ZNF3: variants seen among roughly 807,000 people sequenced by gnomAD.
The protein encoded by ZNF3 is C2-H2 type zinc finger protein.
ZNF3 carries 16 observed loss-of-function variants against 36.9 expected under a neutral mutation model. The observed-to-expected ratio is 0.43, with a 90% confidence interval of 0.29 to 0.66. The LOEUF (loss-of-function observed/expected upper bound fraction) is 0.66. ZNF3 is among the 30% of genes least tolerant of loss of function. ZNF3 has a pLI of 0.13. For synonymous variants in ZNF3, 201 were observed against 201.9 expected (o/e 1.00, Z 0.04); for missense variants, 462 against 543.1 (o/e 0.85, Z 1.48).
rs1381472282 is a variant in ZNF3, at chr7:100,070,702, G to T, written c.*441C>A. 2.0e-6 allele frequency: 2 copies of T among 995,908 alleles called. No homozygotes were observed. Among genetic ancestry groups the T allele is most frequent in the Non-Finnish European group, 2.4e-6 (2 of 835,912 alleles). 61.7% of individuals were successfully genotyped at this position (995,908 alleles called of 1,614,324 possible). On this transcript the variant is annotated 3_prime_UTR_variant, in exon 6 of 6. Coordinates refer to ENST00000299667, the MANE Select transcript of ZNF3 (RefSeq NM_032924.5). The stretch of plus-strand genomic sequence containing the variant: ...CTTACCGAAACTTAAAGCTGGACTA[G>T]GAACAGTAGCTTTGAAATAGTCTCC...
At position 100,070,998 on chromosome 7, in the gene ZNF3, A is replaced by G; in HGVS notation, c.*145T>C. ...TAAGGCTGGTGTGATTTCTGGGAAA[A>G]TTCAACGATTTGCCCCATCTGCCCC... is the stretch of plus-strand genomic sequence containing the variant. On this transcript the variant is annotated 3_prime_UTR_variant, in exon 6 of 6. Transcript: ENST00000299667. The G allele has an allele frequency of 6.9e-7, 1 of 1,457,322 alleles. No homozygotes were observed. The highest frequency in any genetic ancestry group is 9.0e-7 in the Non-Finnish European group (1 of 1,109,720). The allele number at this position is 1,457,322 out of a possible 1,614,324, so 90.3% of individuals were successfully genotyped here. A position where few individuals can be genotyped will look rare whatever the true frequency, so the allele number is the denominator to read the frequency against.
chr7:100,082,302 G>C (rs1019436799), upstream of ZNF3: 2 of 152,450 alleles, frequency 1.3e-5, no homozygotes, highest in Non-Finnish European at 1.5e-5. Flanking sequence ...GAAGCTTACC[G>C]GCCGGGCGCG....
In ZNF3 at chr7:100,071,197, C is replaced by T; in HGVS notation, c.1287G>A (p.Met429Ile). The change falls in exon 6 of 6, where the codon ATG becomes ATA. Residue 429 changes from methionine (M) to isoleucine (I), a missense_variant. Transcript: ENST00000299667. ...TCGTAACTCTGAGGGAGCTTTTGCT[C>T]ATGCCGATCCCATTCAAAGGCTTCT... is the stretch of plus-strand genomic sequence containing the variant. ...TGEKPLNGIG[M>I]SKSSLRVTTE... is the part of the protein sequence containing the mutation. 2 of 1,612,012 alleles carry T rather than the reference C, an allele frequency of 1.2e-6. No individual in the cohort carries two copies. The highest frequency in any genetic ancestry group is 1.1e-5 in the South Asian group (1 of 90,914).
At chr7:100,074,384 C>T (rs537093058) in intron 5 of ZNF3, among the ~76,000 whole-genome samples, 140 of 152,300 alleles carry the variant, frequency 9.2e-4, no homozygotes, top group African/African-American at 3.1e-3. Context: ...GATCCTCCAA[C>T]CTCAGCCTCC....
downstream of ZNF3, among the ~76,000 whole-genome samples, chr7:100,066,499 G>A (rs1253934811): frequency 6.6e-6 from 1 of 151,398 alleles, no homozygotes; most frequent in Non-Finnish European, 1.5e-5. Flanking sequence ...GGGAGGCCGA[G>A]GTGGGCGGAT....
intron 1 of ZNF3, among the ~76,000 whole-genome samples, 153 bp from the exon 2 acceptor site, chr7:100,079,809 C>T (rs1361741578): frequency 6.6e-6 from 1 of 152,060 alleles, no homozygotes; most frequent in Non-Finnish European, 1.5e-5. Flanking sequence ...GTGATCCTCC[C>T]AGCTCAGCCT....
rs1252480402 is a variant in ZNF3 at position 100,072,094 on chromosome 7, A to G, written c.390T>C (p.Tyr130=). 1 of 1,614,208 alleles carries G rather than the reference A, an allele frequency of 6.2e-7. No individual in the cohort carries two copies. The highest frequency in any genetic ancestry group is 8.5e-7 in the Non-Finnish European group (1 of 1,180,042). ...GCCTTTTCAGACTGACTTCTCGTTC[A>G]TAGGCTTCTTTAAACTTGAGACCCT... The part of the protein sequence containing the change: ...ISQGLKFKEA[Y]EREVSLKRPL... The change falls in exon 6 of 6, where the codon TAT becomes TAC. Residue 130 remains tyrosine, a synonymous_variant. Transcript: ENST00000299667.
At chr7:100,066,907 C>G (rs571514040), downstream of ZNF3, among the ~76,000 whole-genome samples, 1 of 152,014 alleles carries the variant, frequency 6.6e-6, no homozygotes, top group African/African-American at 2.4e-5. Context: ...TGGTGGCGTG[C>G]GCCTGTAGTC....
At chr7:100,082,122 A>G (rs1057353704), upstream of ZNF3, among the ~76,000 whole-genome samples, 1 of 152,242 alleles carries the variant, frequency 6.6e-6, no homozygotes, top group Admixed American at 6.5e-5. Flanking sequence ...ATTCATCAAT[A>G]TTAAAAAATG....
chr7:100,068,545 C>T (rs1021769057), downstream of ZNF3, among the ~76,000 whole-genome samples: 4 of 151,376 alleles, frequency 2.6e-5, no homozygotes, highest in South Asian at 2.1e-4. Flanking sequence ...TGGTGGTGGG[C>T]GCCTGTAATC....
rs1205216181 is a variant in ZNF3 at position 100,072,155 on chromosome 7, C to T, written c.329G>A (p.Gly110Glu). Residue 110 changes from glycine (G) to glutamate (E), a missense_variant, in exon 6 of 6, where the codon GGG (glycine) becomes GAG (glutamate). Gly to Glu is a moderately conservative substitution (Grantham distance 98). Transcript: ENST00000299667. The part of the protein sequence containing the change: ...QEISEDTRSH[G>E]VLLGRFQKDI... Reference sequence around the variant, plus strand: ...CTTTTGAAATCTTCCCAGTAGGACCCCATGTGATCTTGTGTCTTCAGAAAT... The same window carrying T: ...CTTTTGAAATCTTCCCAGTAGGACCTCATGTGATCTTGTGTCTTCAGAAAT... 1 of 1,607,802 alleles carries T rather than the reference C, an allele frequency of 6.2e-7. No individual in the cohort carries two copies. The highest frequency in any genetic ancestry group is 1.3e-5 in the African/African-American group (1 of 74,380).
At chr7:100,065,053 A>G (rs1255552386), downstream of ZNF3, 6 of 1,058,794 alleles carry the variant, frequency 5.7e-6, no homozygotes, top group African/African-American at 1.6e-5. Context: ...CCTCAGGACT[A>G]TTATTATAAC....
intron 4 of ZNF3, 72 bp downstream of exon 4, chr7:100,075,470 G>T (rs776059619): frequency 6.3e-7 from 1 of 1,577,688 alleles, no homozygotes; most frequent in Non-Finnish European, 8.7e-7. Flanking sequence ...GGAGATCAGG[G>T]TTTAAAGCTC....
At chr7:100,065,092 C>A (rs996307716), downstream of ZNF3, 2 of 928,366 alleles carry the variant, frequency 2.2e-6, no homozygotes, top group Non-Finnish European at 3.1e-6. Flanking sequence ...TGAATACTTA[C>A]AGATGGAGAA....
At chr7:100,066,497 G>A (rs577784725), downstream of ZNF3, among the ~76,000 whole-genome samples, 45 of 151,378 alleles carry the variant, frequency 3.0e-4, no homozygotes, top group African/African-American at 1.0e-3. Flanking sequence ...TTGGGAGGCC[G>A]AGGTGGGCGG....
rs1176137329 is a variant in ZNF3 at position 100,070,104 on chromosome 7, G to A, written c.*1039C>T. The A allele has an allele frequency of 1.1e-5, 11 of 985,652 alleles. No homozygotes were observed. The South Asian group carries it at 2.3e-4, about 21-fold the overall frequency. 61.1% of individuals were successfully genotyped at this position (985,652 alleles called of 1,614,324 possible). On this transcript the variant is annotated 3_prime_UTR_variant, in exon 6 of 6. Coordinates refer to ENST00000299667, the MANE Select transcript of ZNF3 (RefSeq NM_032924.5). The stretch of plus-strand genomic sequence containing the variant: ...GGGAGTGCCATCCTCACCCAGCAAC[G>A]AGCTCTGCTACCAGGCTCAGGCACA...
At chr7:100,067,137 T>C (rs915103739), downstream of ZNF3, among the ~76,000 whole-genome samples, 1 of 152,240 alleles carries the variant, frequency 6.6e-6, no homozygotes, top group Non-Finnish European at 1.5e-5. Flanking sequence ...CTGGCCTCTG[T>C]TGACCAGTCA....
At chr7:100,067,602 A>G (rs538333106), downstream of ZNF3, among the ~76,000 whole-genome samples, 5 of 152,142 alleles carry the variant, frequency 3.3e-5, no homozygotes, top group South Asian at 1.0e-3. Context: ...GGGTCTCACT[A>G]TGTTGCCCAG....
intron 2 of ZNF3, 141 bp from the exon 3 acceptor site, chr7:100,077,574 T>C: frequency 2.6e-6 from 2 of 755,650 alleles, no homozygotes; most frequent in Admixed American, 3.5e-5. Context: ...TATTTTCTTT[T>C]ATTTTTTAAT....
Sources: allele counts gnomAD v4.1 joint callset (sites outside exome capture counted in the v4.1 genomes callset), GRCh38; gene constraint gnomAD v4.1.1; transcripts MANE v1.5; gene names NCBI Gene and HGNC (gene_info 2026-07-23, HGNC 2026-07-21).